EYA4: variants seen among roughly 807,000 people sequenced by gnomAD.
The protein encoded by EYA4 is EYA transcriptional coactivator and phosphatase 4.
EYA4 carries 31 observed loss-of-function variants against 87.9 expected under a neutral mutation model. The observed-to-expected ratio is 0.35, with a 90% CI of 0.27 to 0.48. EYA4 has a LOEUF of 0.48. Among genes scored for constraint, EYA4 ranks in the 20% least tolerant of loss-of-function variants. EYA4 has a pLI of 0.99. For synonymous variants in EYA4, 263 were observed against 270.6 expected (o/e 0.97, Z 0.28); for missense variants, 678 against 761.4 (o/e 0.89, Z 1.29).
intron 5 of EYA4, among the ~76,000 whole-genome samples, chr6:133,449,815 A>G (rs1241669650): frequency 6.6e-6 from 1 of 152,204 alleles, no homozygotes; most frequent in Admixed American, 6.5e-5. Flanking sequence ...AGGAAAATGA[A>G]AATATGCATT....
At chr6:133,448,562 A>T (rs558921839) in intron 5 of EYA4, among the ~76,000 whole-genome samples, 1 of 152,188 alleles carries the variant, frequency 6.6e-6, no homozygotes, top group Admixed American at 6.5e-5. Flanking sequence ...TAACCCACAG[A>T]CTTTCATAAT....
intron 1 of EYA4, among the ~76,000 whole-genome samples, chr6:133,268,466 A>G (rs1004618026): frequency 1.1e-4 from 16 of 152,180 alleles, no homozygotes; most frequent in African/African-American, 3.6e-4. Flanking sequence ...CACTTGGCTA[A>G]TTTGTTATCA....
At chr6:133,272,853 C>G (rs1776815951) in intron 1 of EYA4, among the ~76,000 whole-genome samples, 1 of 151,946 alleles carries the variant, frequency 6.6e-6, no homozygotes, top group African/African-American at 2.4e-5. Flanking sequence ...GTCTTGGGGC[C>G]AAAATGATCT....
chr6:133,486,656 T>C (rs1006498864), intron 13 of EYA4, among the ~76,000 whole-genome samples: 1 of 152,096 alleles, frequency 6.6e-6, no homozygotes, highest in Non-Finnish European at 1.5e-5. Flanking sequence ...GGAAGTGACA[T>C]TGGTACTGAG....
At chr6:133,510,595 A>T in intron 14 of EYA4, 1 of 251,602 alleles carries the variant, frequency 4.0e-6, no homozygotes, top group Non-Finnish European at 8.0e-6. Context: ...GTTTTTCAGG[A>T]AGCATAATGC....
chr6:133,479,947 A>G (rs1316261723), intron 11 of EYA4, among the ~76,000 whole-genome samples: 2 of 152,194 alleles, frequency 1.3e-5, no homozygotes, highest in African/African-American at 4.8e-5. Context: ...TCAGAGTTTT[A>G]GATATCTATG....
At chr6:133,452,096 A>G (rs1793506317) in intron 5 of EYA4, among the ~76,000 whole-genome samples, 1 of 152,154 alleles carries the variant, frequency 6.6e-6, no homozygotes, top group Admixed American at 6.5e-5. Flanking sequence ...AGCATAAATC[A>G]TAGGCTATAC....
chr6:133,466,404 G>T (rs1041779554), intron 10 of EYA4, among the ~76,000 whole-genome samples: 33 of 152,136 alleles, frequency 2.2e-4, no homozygotes, highest in African/African-American at 7.2e-4. Flanking sequence ...TGTTGTTTTG[G>T]CTCATACCTA....
chr6:133,416,944 G>C (rs149270472), intron 3 of EYA4, among the ~76,000 whole-genome samples: 1 of 152,308 alleles, frequency 6.6e-6, no homozygotes, highest in African/African-American at 2.4e-5. Context: ...TGCAGGGTAG[G>C]TTTGGGTGTA....
In EYA4 at chr6:133,454,342, G is replaced by A. The variant is rs115974013; in HGVS notation, c.278-2214G>A. Among the ~76,000 whole-genome samples the A allele has an allele frequency of 3.9e-3, 598 of 152,240 alleles. 3 individuals are homozygous for A. The highest frequency in any genetic ancestry group is 0.014 in the African/African-American group (565 of 41,558). On this transcript the variant is annotated intron_variant, in intron 5 of 19. Transcript: ENST00000355286. Reference sequence around the variant, plus strand: ...GTTAGAACTCAATTGTAAACATTGCGTGAAATGGAGTAGCCTTGATACCCA... The same window carrying A: ...GTTAGAACTCAATTGTAAACATTGCATGAAATGGAGTAGCCTTGATACCCA...
intron 2 of EYA4, among the ~76,000 whole-genome samples, chr6:133,286,397 A>G (rs1473821860): frequency 2.0e-5 from 3 of 152,234 alleles, no homozygotes; most frequent in Non-Finnish European, 2.9e-5. Context: ...TCAAAACATT[A>G]TATTTGTTGA....
intron 3 of EYA4, among the ~76,000 whole-genome samples, chr6:133,436,735 T>C (rs1274293124): frequency 6.6e-6 from 1 of 152,222 alleles, no homozygotes; most frequent in Non-Finnish European, 1.5e-5. Context: ...AATAGACCCA[T>C]GTCCACTTTA....
chr6:133,361,707 G>C (rs1041140079), intron 2 of EYA4, among the ~76,000 whole-genome samples: 1 of 152,218 alleles, frequency 6.6e-6, no homozygotes, highest in Non-Finnish European at 1.5e-5. Flanking sequence ...GGAATCCATG[G>C]ACATCATTAG....
At chr6:133,302,458 A>C (rs1779484208) in intron 2 of EYA4, among the ~76,000 whole-genome samples, 1 of 152,210 alleles carries the variant, frequency 6.6e-6, no homozygotes, top group South Asian at 2.1e-4. Context: ...ATTCATTAAT[A>C]ATCGTTTCTC....
At chr6:133,387,437 C>A (rs772468527) in intron 3 of EYA4, among the ~76,000 whole-genome samples, 1 of 152,138 alleles carries the variant, frequency 6.6e-6, no homozygotes, top group Non-Finnish European at 1.5e-5. Context: ...ATCATTACTG[C>A]CAGTTTATGT....
intron 2 of EYA4, among the ~76,000 whole-genome samples, chr6:133,368,145 G>T (rs181234857): frequency 1.8e-4 from 27 of 152,320 alleles, no homozygotes; most frequent in African/African-American, 6.5e-4. Flanking sequence ...GTGTCCTGGT[G>T]TAAGCTGAGA....
At chr6:133,246,709 A>G (rs192479192) in intron 1 of EYA4, among the ~76,000 whole-genome samples, 5 of 152,206 alleles carry the variant, frequency 3.3e-5, no homozygotes, top group Admixed American at 2.6e-4. Flanking sequence ...CATTATTACT[A>G]TAATATTAAT....
chr6:133,346,700 T>C (rs1448035314), intron 2 of EYA4, among the ~76,000 whole-genome samples: 1 of 151,582 alleles, frequency 6.6e-6, no homozygotes, highest in Non-Finnish European at 1.5e-5. Flanking sequence ...GCAGGTATGC[T>C]CATTTTCCTG....
chr6:133,448,028 A>C, intron 4 of EYA4, 83 bp from the exon 5 acceptor site: 1 of 1,093,516 alleles, frequency 9.1e-7, no homozygotes, highest in Non-Finnish European at 1.4e-6. Flanking sequence ...AAAAGGTCAG[A>C]AACCAGTGCA....
Sources: gnomAD v4.1 joint callset for allele counts (sites outside exome capture counted in the v4.1 genomes callset) on GRCh38, gnomAD v4.1.1 for gene constraint, MANE v1.5 for transcripts, NCBI Gene and HGNC (gene_info 2026-07-23, HGNC 2026-07-21) for gene names.